CTNND2: variants seen among roughly 807,000 people sequenced by gnomAD.
CTNND2 encodes catenin delta 2.
In CTNND2, 22 loss-of-function variants were observed where a neutral mutation model predicts 144.4. The ratio of observed to expected loss-of-function variants is 0.15; its 90% CI spans 0.11 to 0.22. CTNND2 has a LOEUF of 0.22. Among genes scored for constraint, CTNND2 ranks in the 10% least tolerant of loss-of-function variants. The probability of loss-of-function intolerance (pLI) is 1.00; values close to 1 mark genes in which losing one functional copy is unlikely to be tolerated. For missense variants in CTNND2, 1,353 were observed against 1,618.8 expected (o/e 0.84, Z 2.82); for synonymous variants, 751 against 695.6 (o/e 1.08, Z -1.25).
chr5:11,345,644 A>G (rs1435523437), intron 9 of CTNND2, among the ~76,000 whole-genome samples: 1 of 152,170 alleles, frequency 6.6e-6, no homozygotes, highest in Non-Finnish European at 1.5e-5. Context: ...AGATGCAGAT[A>G]TATATATTTA....
At chr5:11,811,147 A>C (rs1446920827) in intron 1 of CTNND2, among the ~76,000 whole-genome samples, 1 of 152,178 alleles carries the variant, frequency 6.6e-6, no homozygotes, top group Non-Finnish European at 1.5e-5. Flanking sequence ...GATGCTGAGG[A>C]AACTGAGGCC....
chr5:11,541,252 T>C (rs1322283726), intron 3 of CTNND2, among the ~76,000 whole-genome samples: 1 of 152,230 alleles, frequency 6.6e-6, no homozygotes, highest in Non-Finnish European at 1.5e-5. Flanking sequence ...GAAAGCTTCC[T>C]AGGCGATTCT....
At position 11,126,184 on chromosome 5, in the gene CTNND2, C is replaced by T. The variant is rs954018161; in HGVS notation, c.2160-8617G>A. ...GGCGTGGTGGCACATGCCTGCAATC[C>T]CAGCTACTTGGGAGGCTGAGGCAGG... On this transcript the variant is annotated intron_variant, in intron 12 of 21. Coordinates refer to ENST00000304623, the MANE Select transcript of CTNND2 (RefSeq NM_001332.4). Among the ~76,000 whole-genome samples the T allele has an allele frequency of 1.1e-4, 17 of 152,228 alleles. No homozygotes were observed. The East Asian group carries it at 3.1e-3, about 28-fold the overall frequency.
intron 7 of CTNND2, among the ~76,000 whole-genome samples, chr5:11,383,639 C>T (rs1436793642): frequency 6.6e-6 from 1 of 152,208 alleles, no homozygotes; most frequent in African/African-American, 2.4e-5. Flanking sequence ...GGCCACCTGC[C>T]TCATGCATGC....
At chr5:10,983,296 T>G (rs1046166247) in intron 20 of CTNND2, among the ~76,000 whole-genome samples, 1 of 143,994 alleles carries the variant, frequency 6.9e-6, no homozygotes, top group East Asian at 2.0e-4. Flanking sequence ...ATTCATAAAT[T>G]TTTTTTTAAA....
rs145349640 is a variant in CTNND2, at chr5:11,741,398, A to G, written c.38-9126T>C. 1.7e-3 allele frequency among the ~76,000 whole-genome samples: 257 copies of G among 152,302 alleles called. 3 individuals are homozygous for G. In the East Asian group the frequency reaches 0.027, roughly 16 times the overall value. ...GAATACCATGCAGCCGTAAAAAAGG[A>G]TGAGTTCATGTCCTTTGCAGGGACA... On this transcript the variant is annotated intron_variant, in intron 1 of 21. Coordinates refer to ENST00000304623, the MANE Select transcript of CTNND2 (RefSeq NM_001332.4).
rs931462482 is a variant in CTNND2 at position 11,771,141 on chromosome 5, G to T, written c.38-38869C>A. Among the ~76,000 whole-genome samples, 56 of 149,976 alleles carry T rather than the reference G, an allele frequency of 3.7e-4. 1 individual carries two copies. Among genetic ancestry groups the T allele is most frequent in the African/African-American group, 1.2e-3 (50 of 40,550 alleles). Reference sequence around the variant, plus strand: ...AAGGGGTCCAAATTACCTTTGATAGGGTCCAAATTACCATCCTGGAAATAG... The same window carrying T: ...AAGGGGTCCAAATTACCTTTGATAGTGTCCAAATTACCATCCTGGAAATAG... On this transcript the variant is annotated intron_variant, in intron 1 of 21. Coordinates refer to ENST00000304623, the MANE Select transcript of CTNND2 (RefSeq NM_001332.4).
intron 1 of CTNND2, among the ~76,000 whole-genome samples, chr5:11,861,568 T>A (rs983780972): frequency 3.9e-5 from 6 of 152,212 alleles, no homozygotes; most frequent in African/African-American, 1.4e-4. Flanking sequence ...ACCGATGTCA[T>A]CTTTTGTTCA....
intron 12 of CTNND2, among the ~76,000 whole-genome samples, chr5:11,134,202 G>A (rs1384302024): frequency 6.6e-6 from 1 of 152,082 alleles, no homozygotes; most frequent in Non-Finnish European, 1.5e-5. Flanking sequence ...AAGGAAGGGA[G>A]CAATGAGCCA....
At chr5:11,160,640 T>C (rs1278560153) in intron 11 of CTNND2, among the ~76,000 whole-genome samples, 5 of 152,216 alleles carry the variant, frequency 3.3e-5, no homozygotes, top group African/African-American at 9.6e-5. Flanking sequence ...CTATTTTTCT[T>C]TGAAAGAAAG....
chr5:11,861,273 A>G (rs1795491943), intron 1 of CTNND2, among the ~76,000 whole-genome samples: 1 of 152,190 alleles, frequency 6.6e-6, no homozygotes, highest in South Asian at 2.1e-4. Context: ...CAGACATCTG[A>G]TAAACCTCTG....
intron 3 of CTNND2, among the ~76,000 whole-genome samples, chr5:11,432,617 A>G (rs890304019): frequency 6.6e-6 from 1 of 152,206 alleles, no homozygotes; most frequent in African/African-American, 2.4e-5. Context: ...GATGATTTCA[A>G]CTAAACAGTG....
intron 2 of CTNND2, among the ~76,000 whole-genome samples, chr5:11,665,657 C>G (rs1029959687): frequency 6.6e-6 from 1 of 152,084 alleles, no homozygotes; most frequent in Non-Finnish European, 1.5e-5. Flanking sequence ...CTTATATATT[C>G]AATAGAAAAT....
chr5:11,112,131 G>A (rs1753055005), intron 13 of CTNND2, among the ~76,000 whole-genome samples: 1 of 152,124 alleles, frequency 6.6e-6, no homozygotes, highest in Non-Finnish European at 1.5e-5. Flanking sequence ...TTACAGTCGT[G>A]AGCCACCGCA....
chr5:11,802,304 A>G (rs1392054883), intron 1 of CTNND2, among the ~76,000 whole-genome samples: 1 of 151,916 alleles, frequency 6.6e-6, no homozygotes, highest in East Asian at 1.9e-4. Flanking sequence ...GCAGTGGCTC[A>G]TGCCTGTAAT....
chr5:11,504,835 A>G (rs1770868071), intron 3 of CTNND2, among the ~76,000 whole-genome samples: 1 of 152,174 alleles, frequency 6.6e-6, no homozygotes, highest in South Asian at 2.1e-4. Flanking sequence ...GTGCAGCTTT[A>G]GAGTGTGACA....
intron 6 of CTNND2, among the ~76,000 whole-genome samples, chr5:11,396,444 T>G (rs1338018393): frequency 6.6e-6 from 1 of 152,216 alleles, no homozygotes; most frequent in Non-Finnish European, 1.5e-5. Flanking sequence ...GCAGCTAATG[T>G]ATTTGTGCAG....
intron 8 of CTNND2, among the ~76,000 whole-genome samples, chr5:11,352,884 A>T (rs1755468772): frequency 6.6e-6 from 1 of 152,156 alleles, no homozygotes; most frequent in African/African-American, 2.4e-5. Context: ...AAAAATTAAA[A>T]ATGTAAATAA....
chr5:11,704,367 C>A (rs1785596755), intron 2 of CTNND2, among the ~76,000 whole-genome samples: 1 of 152,200 alleles, frequency 6.6e-6, no homozygotes, highest in Non-Finnish European at 1.5e-5. Context: ...CCATTTTTCA[C>A]TTCGGTCAAG....
Sources: allele counts gnomAD v4.1 joint callset (sites outside exome capture counted in the v4.1 genomes callset), GRCh38; gene constraint gnomAD v4.1.1; transcripts MANE v1.5; gene names NCBI Gene and HGNC (gene_info 2026-07-23, HGNC 2026-07-21).